SGCZ: variants seen among roughly 807,000 people sequenced by gnomAD.
The protein encoded by SGCZ is zeta-sarcoglycan.
SGCZ carries 40 observed loss-of-function variants against 41.3 expected under a neutral mutation model. The ratio of observed to expected loss-of-function variants is 0.97; its 90% CI spans 0.75 to 1.26. The LOEUF (loss-of-function observed/expected upper bound fraction) is 1.26, where lower values mean the gene tolerates loss of function less well. Ranked by LOEUF, SGCZ falls within the 50% of genes most tolerant of loss-of-function variation. The pLI, the probability that SGCZ is intolerant of heterozygous loss-of-function variation, is 0.00. For missense variants in SGCZ, 552 were observed against 369.8 expected (o/e 1.49, Z -4.04); for synonymous variants, 206 against 137.5 (o/e 1.50, Z -3.49).
At chr8:14,999,203 G>A (rs928411083) in intron 1 of SGCZ, among the ~76,000 whole-genome samples, 1 of 152,130 alleles carries the variant, frequency 6.6e-6, no homozygotes, top group Admixed American at 6.5e-5. Flanking sequence ...TCTAATACAT[G>A]GGGTTTCTCT....
chr8:14,722,350 A>G (rs966367034), intron 1 of SGCZ, among the ~76,000 whole-genome samples: 6 of 152,100 alleles, frequency 3.9e-5, no homozygotes, highest in African/African-American at 1.4e-4. Flanking sequence ...ATAATTTTCA[A>G]AAGCATGTAT....
intron 1 of SGCZ, among the ~76,000 whole-genome samples, chr8:15,033,308 C>A (rs890368262): frequency 6.6e-6 from 1 of 152,016 alleles, no homozygotes; most frequent in African/African-American, 2.4e-5. Context: ...TTAACCAGTT[C>A]CCACAGCCTC....
intron 2 of SGCZ, among the ~76,000 whole-genome samples, chr8:14,363,731 T>A (rs76714796): frequency 0.015 from 2,232 of 152,264 alleles, 56 homozygotes; most frequent in African/African-American, 0.05. Context: ...TGAGGCCATA[T>A]AAGCCTCCTT....
At chr8:15,156,270 T>C (rs1290799686) in intron 1 of SGCZ, among the ~76,000 whole-genome samples, 1 of 152,094 alleles carries the variant, frequency 6.6e-6, no homozygotes, top group Non-Finnish European at 1.5e-5. Context: ...TATTTCTGCA[T>C]AGGGGCTTTA....
At chr8:14,309,098 G>T (rs1801439753) in intron 3 of SGCZ, 2 of 1,448,212 alleles carry the variant, frequency 1.4e-6, no homozygotes, top group East Asian at 2.3e-5. Flanking sequence ...TCATCAGGAG[G>T]TTGCTAACCC....
At position 14,789,947 on chromosome 8, in the gene SGCZ, C is replaced by T. The variant is rs183262947; in HGVS notation, c.40-235021G>A. Among the ~76,000 whole-genome samples the T allele has an allele frequency of 3.5e-3, 529 of 152,094 alleles. 1 individual carries two copies. Among genetic ancestry groups the T allele is most frequent in the Non-Finnish European group, 5.8e-3 (391 of 67,978 alleles). On this transcript the variant is annotated intron_variant, in intron 1 of 7. Coordinates refer to ENST00000382080, the MANE Select transcript of SGCZ (RefSeq NM_139167.4). ...GTTTTCAATTTTTCTCCCATTATAA[C>T]GTATGTTTGGTGTTACATAAATGTA...
intron 1 of SGCZ, among the ~76,000 whole-genome samples, chr8:15,175,407 C>G (rs1425473927): frequency 1.3e-5 from 2 of 151,776 alleles, no homozygotes; most frequent in Non-Finnish European, 2.9e-5. Flanking sequence ...GAGCTGGAGG[C>G]CATTATCCGT....
intron 4 of SGCZ, among the ~76,000 whole-genome samples, chr8:14,206,255 T>C (rs1805611935): frequency 6.6e-6 from 1 of 152,152 alleles, no homozygotes; most frequent in South Asian, 2.1e-4. Context: ...GTTTAAATTA[T>C]AGTGTAAGAA....
At chr8:14,775,790 G>T (rs1355072736) in intron 1 of SGCZ, among the ~76,000 whole-genome samples, 2 of 152,256 alleles carry the variant, frequency 1.3e-5, no homozygotes, top group Admixed American at 6.5e-5. Flanking sequence ...ATTGGTTATT[G>T]AGTTTTATTT....
At position 15,083,919 on chromosome 8, in the gene SGCZ, C is replaced by G. The variant is rs1038075700; in HGVS notation, c.39+153666G>C. Among the ~76,000 whole-genome samples the G allele has an allele frequency of 3.2e-4, 48 of 152,112 alleles. 1 individual carries two copies. Among genetic ancestry groups the G allele is most frequent in the Middle Eastern group, 3.2e-3 (1 of 316 alleles). Reference sequence around the variant, plus strand: ...TTGTTTTAAAAAGTTAAATTCTTCCCCATGTTTCATGGTCCTTGACTTTTA... The same window carrying G: ...TTGTTTTAAAAAGTTAAATTCTTCCGCATGTTTCATGGTCCTTGACTTTTA... On this transcript the variant is annotated intron_variant, in intron 1 of 7. Coordinates refer to ENST00000382080, the MANE Select transcript of SGCZ (RefSeq NM_139167.4).
intron 2 of SGCZ, among the ~76,000 whole-genome samples, chr8:14,401,936 C>G (rs1306016695): frequency 1.3e-5 from 2 of 151,322 alleles, no homozygotes; most frequent in African/African-American, 4.9e-5. Context: ...TCTCCACAAC[C>G]TCTCCAGCAC....
At chr8:14,485,722 A>G (rs986632745) in intron 2 of SGCZ, among the ~76,000 whole-genome samples, 2 of 151,986 alleles carry the variant, frequency 1.3e-5, no homozygotes, top group Admixed American at 6.6e-5. Flanking sequence ...TAATTGGTCT[A>G]TCTTTCCTCA....
intron 2 of SGCZ, among the ~76,000 whole-genome samples, chr8:14,452,934 C>A (rs1489451076): frequency 2.0e-5 from 3 of 151,960 alleles, no homozygotes; most frequent in African/African-American, 7.2e-5. Flanking sequence ...GAAACCCAGT[C>A]TCTACCAAAA....
chr8:14,566,142 A>C (rs1278840074), intron 1 of SGCZ, among the ~76,000 whole-genome samples: 1 of 152,238 alleles, frequency 6.6e-6, no homozygotes, highest in Non-Finnish European at 1.5e-5. Flanking sequence ...AACAAAGTCT[A>C]ACTAAAATAA....
intron 5 of SGCZ, among the ~76,000 whole-genome samples, chr8:14,109,484 G>T (rs111237144): frequency 1.3e-5 from 2 of 152,108 alleles, no homozygotes; most frequent in South Asian, 2.1e-4. Context: ...CTTCTTCAAA[G>T]TTCTTGCTTT....
intron 1 of SGCZ, among the ~76,000 whole-genome samples, chr8:14,710,841 T>G (rs1008159418): frequency 6.6e-6 from 1 of 152,150 alleles, no homozygotes; most frequent in African/African-American, 2.4e-5. Flanking sequence ...AAAAAAGTCA[T>G]GCGGAATTTT....
intron 5 of SGCZ, 52 bp from the exon 6 acceptor site, chr8:14,108,287 T>G: frequency 6.6e-7 from 1 of 1,513,140 alleles, no homozygotes; most frequent in Non-Finnish European, 9.2e-7. Context: ...ACACAGTGGC[T>G]TTCATCTCTA....
At position 14,102,139 on chromosome 8, in the gene SGCZ, C is replaced by T. The variant is rs1176365657; in HGVS notation, c.744+237G>A. Among the ~76,000 whole-genome samples the T allele has an allele frequency of 1.4e-4, 20 of 147,412 alleles. 1 individual carries two copies. The highest frequency in any genetic ancestry group is 8.9e-4 in the Admixed American group (13 of 14,686). On this transcript the variant is annotated intron_variant, in intron 7 of 7. Transcript: ENST00000382080. Reference sequence around the variant, plus strand: ...TTTTTTAGTAGAGATGGGGTTTCACCGTGTTAGCCAGGATGTTCTTGATCT... The same window carrying T: ...TTTTTTAGTAGAGATGGGGTTTCACTGTGTTAGCCAGGATGTTCTTGATCT...
intron 1 of SGCZ, among the ~76,000 whole-genome samples, chr8:14,580,851 C>T (rs977680273): frequency 1.3e-5 from 2 of 152,162 alleles, no homozygotes; most frequent in African/African-American, 4.8e-5. Context: ...TTCTCCCAGG[C>T]TCCAGCGATA....
Sources: gnomAD v4.1 joint callset for allele counts (sites outside exome capture counted in the v4.1 genomes callset) on GRCh38, gnomAD v4.1.1 for gene constraint, MANE v1.5 for transcripts, NCBI Gene and HGNC (gene_info 2026-07-23, HGNC 2026-07-21) for gene names.